Variants in NCOA3 observed in about 807,000 individuals in gnomAD.
NCOA3 encodes the protein CBP-interacting protein.
A neutral mutation model predicts 158.8 loss-of-function variants in NCOA3; 51 were observed. The ratio of observed to expected loss-of-function variants is 0.32; its 90% CI spans 0.26 to 0.41. NCOA3 has a LOEUF of 0.41. Ranked by LOEUF, NCOA3 falls within the 10% of genes least tolerant of loss-of-function variation. NCOA3 has a pLI of 1.00. For synonymous variants in NCOA3, 537 were observed against 592.4 expected, an observed-to-expected ratio of 0.91 and a Z score of 1.36; for missense variants, 1,510 against 1,746.6, an observed-to-expected ratio of 0.86 and a Z score of 2.41.
chr20:47,526,520 A>G (rs1249412774), intron 1 of NCOA3, among the ~76,000 whole-genome samples: 1 of 152,244 alleles, frequency 6.6e-6, no homozygotes, highest in African/African-American at 2.4e-5. Flanking sequence ...GCACCTCGGG[A>G]GGCCGAGGCT....
chr20:47,549,543 G>C (rs1293528216), intron 1 of NCOA3, among the ~76,000 whole-genome samples: 3 of 137,714 alleles, frequency 2.2e-5, no homozygotes, highest in Non-Finnish European at 1.5e-5. Context: ...CTGGGCAACA[G>C]AGCGAAGACT....
At position 47,589,094 on chromosome 20, in the gene NCOA3, T is replaced by C. The variant is rs535697827; in HGVS notation, c.-20+5833T>C. 3.3e-5 allele frequency among the ~76,000 whole-genome samples: 5 copies of C among 152,164 alleles called. No homozygotes were observed. In the South Asian group the frequency reaches 8.3e-4, roughly 25 times the overall value. ...TTTTAGTAGAGACAGGTTTTCACCATGTTGACCAGGCTGGTTTCAAACTCC... is the reference window on the plus strand; with the variant it reads ...TTTTAGTAGAGACAGGTTTTCACCACGTTGACCAGGCTGGTTTCAAACTCC... On this transcript the variant is annotated intron_variant, in intron 2 of 22. Transcript: ENST00000371998.
At chr20:47,562,881 T>G (rs1040256987) in intron 1 of NCOA3, among the ~76,000 whole-genome samples, 1 of 152,214 alleles carries the variant, frequency 6.6e-6, no homozygotes, top group East Asian at 1.9e-4. Flanking sequence ...CTTTTAATAA[T>G]ATTTTAGAGG....
At position 47,578,690 on chromosome 20, in the gene NCOA3, C is replaced by T. The variant is rs188854214; in HGVS notation, c.-98-4493C>T. On this transcript the variant is annotated intron_variant, in intron 1 of 22. Coordinates refer to ENST00000371998, the MANE Select transcript of NCOA3 (RefSeq NM_181659.3). ...CGTTAAATTTAACACTAATATTTTG[C>T]AGCCTTTAACCTGAAATTCATTTGG... Among the ~76,000 whole-genome samples the T allele has an allele frequency of 1.1e-4, 16 of 152,290 alleles. No homozygotes were observed. The East Asian group carries it at 3.1e-3, about 29-fold the overall frequency.
Position 47,635,358 on chromosome 20 carries a change from T to C in NCOA3, c.1149T>C (p.Val383=), listed in dbSNP as rs1225919093. ...QNGYRPNPNP[V]GQGIRPPMAG... is the part of the protein sequence containing the mutation. ...GATATAGACCAAACCCAAATCCTGT[T>C]GGACAAGGGATTAGACCACCTATGG... The change falls in exon 11 of 23, where the codon GTT becomes GTC. Residue 383 remains valine (V), a synonymous_variant. Coordinates refer to ENST00000371998, the MANE Select transcript of NCOA3 (RefSeq NM_181659.3). 1.9e-6 allele frequency: 3 copies of C among 1,607,162 alleles called. No individual in the cohort carries two copies. Among genetic ancestry groups the C allele is most frequent in the Non-Finnish European group, 2.6e-6 (3 of 1,174,300 alleles).
intron 1 of NCOA3, among the ~76,000 whole-genome samples, chr20:47,562,702 A>C: frequency 6.6e-6 from 1 of 152,200 alleles, no homozygotes; most frequent in East Asian, 1.9e-4. Context: ...GTGATTATAA[A>C]AGCATAGCAA....
In NCOA3 at chr20:47,647,082, T is replaced by G; in HGVS notation, c.3262T>G (p.Leu1088Val). Residue 1088 changes from leucine (L) to valine (V), a missense_variant, in exon 18 of 23, where the codon TTA becomes GTA. This residue lies in a region of NCOA3 where 1,017 missense variants were observed against 1,098.3 expected (regional missense o/e 0.93). Transcript: ENST00000371998. ...IPELVNQGQALEPKQDAFQGQ... is the reference protein window; with the variant it reads ...IPELVNQGQAVEPKQDAFQGQ... The stretch of plus-strand genomic sequence containing the variant: ...ATGTGTTGTGTTTAAGGGACAGGCA[T>G]TAGAGCCCAAACAGGATGCTTTCCA... The G allele has an allele frequency of 6.2e-7, 1 of 1,613,534 alleles. No homozygotes were observed. The highest frequency in any genetic ancestry group is 1.1e-5 in the South Asian group (1 of 91,042).
intron 1 of NCOA3, 102 bp downstream of exon 1, chr20:47,502,121 A>T (rs2083941770): frequency 2.5e-6 from 1 of 398,428 alleles, no homozygotes; most frequent in Non-Finnish European, 4.4e-6. Context: ...CAGCGGCTTC[A>T]GATCTGCCAA....
At chr20:47,509,877 G>A (rs186337306) in intron 1 of NCOA3, among the ~76,000 whole-genome samples, 1 of 152,100 alleles carries the variant, frequency 6.6e-6, no homozygotes, top group Non-Finnish European at 1.5e-5. Context: ...TACTTGCTTG[G>A]TGGTAATTGT....
chr20:47,588,164 A>C, intron 2 of NCOA3, among the ~76,000 whole-genome samples: 1 of 95,468 alleles, frequency 1.0e-5, no homozygotes, highest in African/African-American at 4.1e-5. Flanking sequence ...TTTTTGAGGC[A>C]GTCTTGGTTG....
intron 1 of NCOA3, among the ~76,000 whole-genome samples, chr20:47,520,282 T>A (rs1039527037): frequency 1.3e-5 from 2 of 152,034 alleles, no homozygotes; most frequent in African/African-American, 4.8e-5. Context: ...TGCTTCTCTC[T>A]CTGACTCTGT....
In NCOA3 at chr20:47,522,137, CTG is replaced by C. The variant is rs1187107106; in HGVS notation, c.-99+20120_-99+20121del. On this transcript the variant is annotated intron_variant, in intron 1 of 22. Coordinates refer to ENST00000371998, the MANE Select transcript of NCOA3 (RefSeq NM_181659.3). ...TTTTTTTTTTTGAGACGGAGTCTTG[CTG>C]TCTCCTAGGCTGGAGTGCAGTGGAG... Among the ~76,000 whole-genome samples the C allele has an allele frequency of 3.6e-4, 37 of 101,842 alleles. 1 individual carries two copies. The East Asian group carries it at 8.1e-3, about 22-fold the overall frequency. 66.8% of individuals were successfully genotyped at this position (101,842 alleles called of 152,430 possible).
At chr20:47,572,933 T>G (rs555327808) in intron 1 of NCOA3, among the ~76,000 whole-genome samples, 1 of 152,204 alleles carries the variant, frequency 6.6e-6, no homozygotes, top group Non-Finnish European at 1.5e-5. Flanking sequence ...TTTGGACTTA[T>G]TTCAATATTG....
At chr20:47,539,080 G>T (rs1391748091) in intron 1 of NCOA3, among the ~76,000 whole-genome samples, 1 of 152,142 alleles carries the variant, frequency 6.6e-6, no homozygotes, top group Admixed American at 6.6e-5. Context: ...TCTTTCTTGG[G>T]TTGCTTAGCT....
intron 2 of NCOA3, among the ~76,000 whole-genome samples, chr20:47,617,162 G>A (rs1224730917): frequency 6.6e-6 from 1 of 152,136 alleles, no homozygotes; most frequent in Non-Finnish European, 1.5e-5. Context: ...CACCATGTTG[G>A]CCAGGCTGGT....
At chr20:47,605,397 T>TTG (rs111580055) in intron 2 of NCOA3, among the ~76,000 whole-genome samples, 81 of 151,324 alleles carry the variant, frequency 5.4e-4, no homozygotes, top group East Asian at 2.1e-3. Flanking sequence ...TAGGTTTTGT[T>TTG]TGTGTGTGTG....
chr20:47,639,026 C>T lies in NCOA3; in HGVS notation c.2531C>T (p.Ser844Phe). Residue 844 changes from serine (S) to phenylalanine (F), a missense_variant, in exon 14 of 23, where the codon TCT becomes TTT. This residue lies in a region of NCOA3 where 1,017 missense variants were observed against 1,098.3 expected (regional missense o/e 0.93). Coordinates refer to ENST00000371998, the MANE Select transcript of NCOA3 (RefSeq NM_181659.3). ...TNSLGLKSSQ[S>F]VQSIRPPYNR... ...TCAACAGGTTTGAAAAGTTCACAGT[C>T]TGTGCAGTCTATTCGTCCTCCATAT... is the stretch of plus-strand genomic sequence containing the variant. 1 of 1,609,076 alleles carries T rather than the reference C, an allele frequency of 6.2e-7. No homozygotes were observed. Among genetic ancestry groups the T allele is most frequent in the South Asian group, 1.1e-5 (1 of 89,490 alleles).
chr20:47,632,507 C>T (rs370280312), intron 8 of NCOA3, among the ~76,000 whole-genome samples: 140 of 151,966 alleles, frequency 9.2e-4, no homozygotes, highest in African/African-American at 3.2e-3. Context: ...CCTGCCTCAG[C>T]CTCCCAAGTA....
intron 1 of NCOA3, among the ~76,000 whole-genome samples, chr20:47,553,475 G>A (rs1435794235): frequency 2.0e-5 from 3 of 151,480 alleles, no homozygotes; most frequent in African/African-American, 7.3e-5. Context: ...GTATACATGT[G>A]CCATGCTGGT....
Sources: allele counts gnomAD v4.1 joint callset (sites outside exome capture counted in the v4.1 genomes callset), GRCh38; gene constraint gnomAD v4.1.1; regional missense constraint gnomAD v4.1.1; transcripts MANE v1.5; gene names NCBI Gene and HGNC (gene_info 2026-07-23, HGNC 2026-07-21).